The following FAM186A variants were observed in gnomAD, a reference collection of about 807,000 sequenced individuals.
FAM186A encodes the protein protein FAM186A.
Under a neutral mutation model 216.8 loss-of-function variants are expected in FAM186A, and 163 were observed. The ratio of observed to expected loss-of-function variants is 0.75; its 90% confidence interval spans 0.66 to 0.86. The LOEUF (loss-of-function observed/expected upper bound fraction) is 0.86. Ranked by LOEUF, FAM186A falls within the 40% of genes least tolerant of loss-of-function variation. The probability of loss-of-function intolerance (pLI) is 0.00; values close to 1 mark genes in which losing one functional copy is unlikely to be tolerated. For synonymous variants in FAM186A, 805 were observed against 1,025.3 expected (o/e 0.79, Z 4.10); for missense variants, 2,184 against 2,746.2 (o/e 0.80, Z 4.58).
chr12:50,377,553 C>A (rs1277150941), intron 1 of FAM186A, among the ~76,000 whole-genome samples: 1 of 152,120 alleles, frequency 6.6e-6, no homozygotes, highest in Non-Finnish European at 1.5e-5. Flanking sequence ...CAACACAAGG[C>A]CAGGCGCAGT....
intron 5 of FAM186A, 72 bp downstream of exon 5, chr12:50,333,839 A>G: frequency 7.2e-7 from 1 of 1,380,654 alleles, no homozygotes; most frequent in Non-Finnish European, 9.8e-7. Context: ...CTCCAGGTAA[A>G]TGTCATTTAC....
Position 50,394,664 on chromosome 12 carries a change from C to G in FAM186A, c.192+1629G>C, listed in dbSNP as rs182756644. Among the ~76,000 whole-genome samples the G allele has an allele frequency of 1.8e-3, 261 of 147,966 alleles. 4 individuals carry two copies. Among genetic ancestry groups the G allele is most frequent in the Admixed American group, 0.016 (226 of 14,494 alleles). ...CTGGTCTTGAACTCCAGGACTCAAG[C>G]GATCCTCCTGTCTTGGCCTCCAAAG... On this transcript the variant is annotated intron_variant, in intron 1 of 7. Coordinates refer to ENST00000327337, the MANE Select transcript of FAM186A (RefSeq NM_001145475.3).
At chr12:50,331,901 G>A in intron 5 of FAM186A, 80 bp from the exon 6 acceptor site, 1 of 1,232,996 alleles carries the variant, frequency 8.1e-7, no homozygotes. Flanking sequence ...GCTGGCCCTA[G>A]ACTAAACTGT....
In FAM186A at chr12:50,355,518, G is replaced by A. The variant is rs1421274400; in HGVS notation, c.1314C>T (p.Asn438=). ...EDISEDSTKD[N]VSLKKGDFYQ... ...AGAAATCACCTTTCTTCAATGATAC[G>A]TTATCTTTAGTGCTGTCTTCGGAAA... is the stretch of plus-strand genomic sequence containing the variant. The change falls in exon 4 of 8, where the codon AAC becomes AAT. Residue 438 remains asparagine (N), a synonymous_variant. Transcript: ENST00000327337. The A allele has an allele frequency of 1.8e-5, 28 of 1,551,170 alleles. No homozygotes were observed. Among genetic ancestry groups the A allele is most frequent in the African/African-American group, 8.2e-5 (6 of 72,986 alleles).
chr12:50,360,056 A>G (rs1943016993), intron 3 of FAM186A, among the ~76,000 whole-genome samples: 3 of 152,052 alleles, frequency 2.0e-5, no homozygotes, highest in African/African-American at 7.2e-5. Context: ...AGTCTGGCCA[A>G]CATGGTAAAA....
intron 3 of FAM186A, among the ~76,000 whole-genome samples, chr12:50,360,545 C>T (rs1417979945): frequency 6.6e-6 from 1 of 151,768 alleles, no homozygotes; most frequent in African/African-American, 2.4e-5. Flanking sequence ...ATTAGCCAGG[C>T]GTGGTGGTAC....
chr12:50,366,650 G>A (rs1167964526), intron 1 of FAM186A, among the ~76,000 whole-genome samples: 7 of 16,738 alleles, frequency 4.2e-4, no homozygotes, highest in African/African-American at 1.1e-3. Flanking sequence ...AAAAAAAAAC[G>A]TGATCATCAC....
At chr12:50,367,344 C>T (rs1021384369) in intron 1 of FAM186A, among the ~76,000 whole-genome samples, 10 of 151,704 alleles carry the variant, frequency 6.6e-5, no homozygotes, top group African/African-American at 2.4e-4. Flanking sequence ...CTGTGAAACC[C>T]CGTCTCTACT....
At chr12:50,381,937 G>A (rs1373657656) in intron 1 of FAM186A, among the ~76,000 whole-genome samples, 4 of 152,170 alleles carry the variant, frequency 2.6e-5, no homozygotes, top group African/African-American at 9.7e-5. Context: ...TCCAGCATGG[G>A]TGACAAGGAG....
chr12:50,375,998 C>A (rs1168446524), intron 1 of FAM186A, among the ~76,000 whole-genome samples: 1 of 152,020 alleles, frequency 6.6e-6, no homozygotes, highest in African/African-American at 2.4e-5. Context: ...CACTGTGCAC[C>A]CCCACTGTAG....
Position 50,355,642 on chromosome 12 carries a change from G to C in FAM186A, c.1190C>G (p.Ser397Cys), listed in dbSNP as rs757577854. 1.8e-5 allele frequency: 28 copies of C among 1,551,308 alleles called. No individual in the cohort carries two copies. In the African/African-American group the frequency reaches 3.3e-4, roughly 18 times the overall value. The change falls in exon 4 of 8, where the codon TCT becomes TGT. Residue 397 changes from serine (S) to cysteine (C), a missense_variant. By Grantham distance (112) the Ser-to-Cys change is moderately radical. This residue lies in a region of FAM186A where 1,132 missense variants were observed against 1,263.4 expected (regional missense o/e 0.90). Coordinates refer to ENST00000327337, the MANE Select transcript of FAM186A (RefSeq NM_001145475.3). Reference protein sequence around the residue: ...DEVQRKETKDSGIKWDSTISY... With the variant: ...DEVQRKETKDCGIKWDSTISY... ...AATAGTGGAGTCCCATTTTATCCCA[G>C]AGTCCTTGGTCTCTTTTCTTTGGAC...
chr12:50,334,890 AT>A (rs1484455755), intron 4 of FAM186A, among the ~76,000 whole-genome samples: 4 of 152,214 alleles, frequency 2.6e-5, no homozygotes, highest in African/African-American at 9.6e-5. Context: ...AAAAATCTAT[AT>A]GATTATCAAA....
chr12:50,392,121 G>C (rs1240871270), intron 1 of FAM186A, among the ~76,000 whole-genome samples: 1 of 144,822 alleles, frequency 6.9e-6, no homozygotes, highest in African/African-American at 2.6e-5. Context: ...GACAGAAGCA[G>C]ATTGGTGGTT....
At chr12:50,337,915 T>TAAACAAACAAACAAATAAAC (rs36013156) in intron 4 of FAM186A, among the ~76,000 whole-genome samples, 2 of 151,208 alleles carry the variant, frequency 1.3e-5, no homozygotes, top group African/African-American at 4.9e-5. Context: ...AACAAACAAA[T>TAAACAAACAAACAAATAAAC]AAACAAACAA....
In FAM186A at chr12:50,355,392, T is replaced by C; in HGVS notation, c.1440A>G (p.Lys480=). Residue 480 remains lysine (K), a synonymous_variant, in exon 4 of 8, where the codon AAA becomes AAG. Coordinates refer to ENST00000327337, the MANE Select transcript of FAM186A (RefSeq NM_001145475.3). ...TGGCCTCTGAGACTTTCTGTCCACTTTTATTATCACTCAGATTTGGTCCAG... is the reference window on the plus strand; with the variant it reads ...TGGCCTCTGAGACTTTCTGTCCACTCTTATTATCACTCAGATTTGGTCCAG... ...ETSGPNLSDN[K]SGQKVSEAKP... The C allele has an allele frequency of 6.4e-7, 1 of 1,551,432 alleles. No homozygotes were observed. Among genetic ancestry groups the C allele is most frequent in the South Asian group, 1.2e-5 (1 of 84,052 alleles).
At chr12:50,362,198 C>T (rs1247138300) in intron 2 of FAM186A, among the ~76,000 whole-genome samples, 1 of 151,792 alleles carries the variant, frequency 6.6e-6, no homozygotes, top group African/African-American at 2.4e-5. Context: ...GTCTTGAACT[C>T]CTGAGCTCAG....
At chr12:50,330,807 A>AT in intron 6 of FAM186A, 49 bp from the exon 7 acceptor site, 1 of 1,443,838 alleles carries the variant, frequency 6.9e-7, no homozygotes, top group Non-Finnish European at 9.2e-7. Context: ...TGAGCTCCAT[A>AT]GCCCATCAAA....
intron 4 of FAM186A, among the ~76,000 whole-genome samples, chr12:50,343,763 C>T (rs988759730): frequency 2.0e-5 from 3 of 152,138 alleles, no homozygotes; most frequent in Non-Finnish European, 4.4e-5. Flanking sequence ...GGACTACAGG[C>T]GCCCGCCACC....
At position 50,354,525 on chromosome 12, in the gene FAM186A, A is replaced by G; in HGVS notation, c.2307T>C (p.Ile769=). The G allele has an allele frequency of 6.4e-7, 1 of 1,551,610 alleles. No homozygotes were observed. The highest frequency in any genetic ancestry group is 1.7e-4 in the Middle Eastern group (1 of 5,992). ...GGGTACTGCTTTCAGATTTTGCACT[A>G]ATTGGTGACTTCTGAAAATGCAATC... The part of the protein sequence containing the change: ...MPGLHFQKSP[I]SAKSESSTLL... Residue 769 remains isoleucine (I), a synonymous_variant, in exon 4 of 8, where the codon ATT becomes ATC. Coordinates refer to ENST00000327337, the MANE Select transcript of FAM186A (RefSeq NM_001145475.3).
Sources: allele counts gnomAD v4.1 joint callset (sites outside exome capture counted in the v4.1 genomes callset), GRCh38; gene constraint gnomAD v4.1.1; regional missense constraint gnomAD v4.1.1; transcripts MANE v1.5; gene names NCBI Gene and HGNC (gene_info 2026-07-23, HGNC 2026-07-21).